The following KSR2 variants were observed in gnomAD, a reference collection of about 807,000 sequenced individuals.
KSR2 encodes kinase suppressor of ras 2.
KSR2 carries 25 observed loss-of-function variants against 107.8 expected under a neutral mutation model. That is an observed-to-expected ratio of 0.23 (90% CI 0.17 to 0.32). KSR2 has a LOEUF of 0.32. KSR2 is among the 10% of genes least tolerant of loss of function. The pLI, the probability that KSR2 is intolerant of heterozygous loss-of-function variation, is 1.00. For synonymous variants in KSR2, 480 were observed against 507.0 expected (o/e 0.95, Z 0.71); for missense variants, 887 against 1,268.9 (o/e 0.70, Z 4.57).
rs1314859501 is a variant in KSR2, at chr12:117,461,054, T to G, written c.*6145A>C. The G allele has an allele frequency of 5.9e-5, 9 of 152,318 alleles. No individual in the cohort carries two copies. The highest frequency in any genetic ancestry group is 1.3e-4 in the Non-Finnish European group (9 of 68,188). The allele number at this position is 152,318 out of a possible 1,614,324, so 9.4% of individuals were successfully genotyped here. ...GCTTTGGGAGGCTGAAGCAGGGGGA[T>G]TGCTTGAGACCAGGAGTTCAAGACC... is the stretch of plus-strand genomic sequence containing the variant. On this transcript the variant is annotated 3_prime_UTR_variant, in exon 20 of 20. Coordinates refer to ENST00000339824, the MANE Select transcript of KSR2 (RefSeq NM_173598.6).
chr12:117,650,122 C>T (rs193258194), intron 5 of KSR2, among the ~76,000 whole-genome samples: 1 of 152,274 alleles, frequency 6.6e-6, no homozygotes, highest in East Asian at 1.9e-4. Context: ...AGTCAGTGGG[C>T]TGGGGAAAGC....
intron 4 of KSR2, among the ~76,000 whole-genome samples, chr12:117,681,556 C>A (rs747661643): frequency 4.6e-5 from 7 of 152,108 alleles, no homozygotes; most frequent in Non-Finnish European, 1.0e-4. Flanking sequence ...GGCAGCAGGG[C>A]CAGATCACTG....
At chr12:117,511,602 C>T (rs372639117) in intron 14 of KSR2, among the ~76,000 whole-genome samples, 2 of 152,180 alleles carry the variant, frequency 1.3e-5, no homozygotes, top group South Asian at 2.1e-4. Context: ...AACAGGATAA[C>T]GATTTTAAAA....
intron 3 of KSR2, among the ~76,000 whole-genome samples, chr12:117,813,945 C>T (rs1021370712): frequency 1.3e-5 from 2 of 152,158 alleles, no homozygotes; most frequent in African/African-American, 4.8e-5. Context: ...TATTTAGCCA[C>T]AAAAACAATG....
At position 117,767,877 on chromosome 12, in the gene KSR2, G is replaced by T. The variant is rs901356247; in HGVS notation, c.473-6353C>A. On this transcript the variant is annotated intron_variant, in intron 3 of 19. Coordinates refer to ENST00000339824, the MANE Select transcript of KSR2 (RefSeq NM_173598.6). Reference sequence around the variant, plus strand: ...TTTGCTCTTCTAAGCGGAAGGGGACGCTGAGAACTAAGGGCCGGTGTGACT... The same window carrying T: ...TTTGCTCTTCTAAGCGGAAGGGGACTCTGAGAACTAAGGGCCGGTGTGACT... 3.0e-4 allele frequency among the ~76,000 whole-genome samples: 45 copies of T among 151,944 alleles called. 1 individual carries two copies. The highest frequency in any genetic ancestry group is 4.4e-5 in the Non-Finnish European group (3 of 68,016).
intron 3 of KSR2, among the ~76,000 whole-genome samples, chr12:117,836,802 T>C (rs1892232565): frequency 6.6e-6 from 1 of 152,228 alleles, no homozygotes; most frequent in Admixed American, 6.5e-5. Flanking sequence ...CAGCCACTTC[T>C]CATCGTAGCC....
intron 1 of KSR2, among the ~76,000 whole-genome samples, chr12:117,927,591 A>G (rs897845605): frequency 2.6e-5 from 4 of 150,946 alleles, no homozygotes; most frequent in Non-Finnish European, 5.9e-5. Flanking sequence ...TACTCGGGAG[A>G]GTGAGCCAGA....
Position 117,667,512 on chromosome 12 carries a change from G to A in KSR2, c.1133C>T (p.Ser378Phe). The change falls in exon 5 of 20, where the codon TCC (serine) becomes TTC (phenylalanine). Residue 378 changes from serine (S) to phenylalanine (F), a missense_variant. By Grantham distance (155) the Ser-to-Phe change is radical. This residue lies in a region of KSR2 where 399 missense variants were observed against 479.5 expected (regional missense o/e 0.83). Coordinates refer to ENST00000339824, the MANE Select transcript of KSR2 (RefSeq NM_173598.6). Reference sequence around the variant, plus strand: ...GGCCTCAGTGTGAACAGGAGGGGTGGAAGGCAGGAAAGGTGCGTGTCCCAC... The same window carrying A: ...GGCCTCAGTGTGAACAGGAGGGGTGAAAGGCAGGAAAGGTGCGTGTCCCAC... ...FFVGHAPFLP[S>F]TPPVHTEANF... The A allele has an allele frequency of 6.2e-7, 1 of 1,612,476 alleles. No individual in the cohort carries two copies. Among genetic ancestry groups the A allele is most frequent in the Non-Finnish European group, 8.5e-7 (1 of 1,179,568 alleles).
rs3927054 is a variant in KSR2 at position 117,763,150 on chromosome 12, T to C, written c.473-1626A>G. ...GTGAGAACATGCGGTGTTTGGTTTT[T>C]TGTCCTTGCGATAGTTTACTGAGAA... is the stretch of plus-strand genomic sequence containing the variant. On this transcript the variant is annotated intron_variant, in intron 3 of 19. Coordinates refer to ENST00000339824, the MANE Select transcript of KSR2 (RefSeq NM_173598.6). 7.1e-3 allele frequency among the ~76,000 whole-genome samples: 1,086 copies of C among 152,038 alleles called. 20 individuals carry two copies. Among genetic ancestry groups the C allele is most frequent in the African/African-American group, 0.024 (1,008 of 41,456 alleles).
Position 117,842,156 on chromosome 12 carries a change from G to T in KSR2, c.472+13272C>A, listed in dbSNP as rs1454475878. Among the ~76,000 whole-genome samples the T allele has an allele frequency of 6.6e-6, 1 of 152,242 alleles. No homozygotes were observed. Among genetic ancestry groups the T allele is most frequent in the African/African-American group, 2.4e-5 (1 of 41,472 alleles). On this transcript the variant is annotated intron_variant, in intron 3 of 19. Coordinates refer to ENST00000339824, the MANE Select transcript of KSR2 (RefSeq NM_173598.6). The surrounding 1 kb of genome is among the most constrained non-coding windows in gnomAD (Gnocchi z 4.2). ...ACTCTGGGAGTGGAACCCTCTGGGG[G>T]ATTCTGATACATGTTGAGGTTTTGA...
At chr12:117,579,534 A>G (rs926852862) in intron 6 of KSR2, among the ~76,000 whole-genome samples, 6 of 152,234 alleles carry the variant, frequency 3.9e-5, no homozygotes, top group African/African-American at 1.4e-4. Flanking sequence ...CGTAAGGGTC[A>G]TTCATTTGTT....
At chr12:117,952,464 C>T (rs1261907025) in intron 1 of KSR2, among the ~76,000 whole-genome samples, 1 of 151,940 alleles carries the variant, frequency 6.6e-6, no homozygotes, top group African/African-American at 2.4e-5. Flanking sequence ...GCCTGGCCAA[C>T]ATAGCAAAAC....
chr12:117,768,783 G>A (rs763442215), intron 3 of KSR2, among the ~76,000 whole-genome samples: 3 of 152,160 alleles, frequency 2.0e-5, no homozygotes, highest in South Asian at 2.1e-4. Context: ...ATAGACCCAC[G>A]GAACAATCCA....
At chr12:117,695,799 C>G (rs899168371) in intron 4 of KSR2, among the ~76,000 whole-genome samples, 1 of 151,732 alleles carries the variant, frequency 6.6e-6, no homozygotes, top group African/African-American at 2.4e-5. Context: ...ATAATGAAGA[C>G]CTGAAATGGG....
chr12:117,873,348 GA>G (rs199514257), intron 1 of KSR2, among the ~76,000 whole-genome samples: 1,345 of 82,594 alleles, frequency 0.016, 12 homozygotes, highest in East Asian at 0.052. Context: ...TGTCTCAAAA[GA>G]AAAAAAAAAA....
At chr12:117,702,329 C>T (rs1186582297) in intron 4 of KSR2, among the ~76,000 whole-genome samples, 3 of 152,126 alleles carry the variant, frequency 2.0e-5, no homozygotes, top group African/African-American at 7.2e-5. Flanking sequence ...ATCTGTTCCA[C>T]GAGGGTGGGG....
intron 1 of KSR2, among the ~76,000 whole-genome samples, chr12:117,904,026 A>G (rs2137403285): frequency 6.6e-6 from 1 of 152,178 alleles, no homozygotes; most frequent in Non-Finnish European, 1.5e-5. Flanking sequence ...TCAATCTTTG[A>G]ATGGCTTGGT....
In KSR2 at chr12:117,487,743, A is replaced by G. The variant is rs77959449; in HGVS notation, c.2220-2052T>C. Among the ~76,000 whole-genome samples the G allele has an allele frequency of 8.4e-3, 1,279 of 152,244 alleles. 17 individuals are homozygous for G. The highest frequency in any genetic ancestry group is 0.029 in the African/African-American group (1,202 of 41,542). Reference sequence around the variant, plus strand: ...CTCCTGCTCAGGGTAACTGCAGGAAAGTCTCAAGCTTCAGATTTCCACGCC... The same window carrying G: ...CTCCTGCTCAGGGTAACTGCAGGAAGGTCTCAAGCTTCAGATTTCCACGCC... On this transcript the variant is annotated intron_variant, in intron 14 of 19. Coordinates refer to ENST00000339824, the MANE Select transcript of KSR2 (RefSeq NM_173598.6).
At chr12:117,609,727 G>A (rs901540526) in intron 5 of KSR2, among the ~76,000 whole-genome samples, 7 of 152,182 alleles carry the variant, frequency 4.6e-5, no homozygotes, top group Admixed American at 2.0e-4. Context: ...TGGCACCAGC[G>A]ATGTTTGGGG....
Sources: gnomAD v4.1 joint callset for allele counts (sites outside exome capture counted in the v4.1 genomes callset) on GRCh38, gnomAD v4.1.1 for gene constraint, gnomAD v4.1.1 regional missense constraint, Gnocchi (gnomAD v3.1) non-coding constraint, MANE v1.5 for transcripts, NCBI Gene and HGNC (gene_info 2026-07-23, HGNC 2026-07-21) for gene names.